CACNB2: variants seen among roughly 807,000 people sequenced by gnomAD.
CACNB2 encodes the protein voltage-dependent L-type calcium channel subunit beta-2.
A neutral mutation model predicts 73.3 loss-of-function variants in CACNB2; 42 were observed. That is an observed-to-expected ratio of 0.57 (90% confidence interval 0.45 to 0.74). CACNB2 has a LOEUF of 0.74. Among genes scored for constraint, CACNB2 ranks in the 30% least tolerant of loss-of-function variants. The probability of loss-of-function intolerance (pLI) is 0.00; values close to 1 mark genes in which losing one functional copy is unlikely to be tolerated. For missense variants in CACNB2, 940 were observed against 853.0 expected, an observed-to-expected ratio of 1.10 and a Z score of -1.27; for synonymous variants, 348 against 310.3, an observed-to-expected ratio of 1.12 and a Z score of -1.28.
chr10:18,532,347 T>A (rs970230916), intron 10 of CACNB2, among the ~76,000 whole-genome samples: 1 of 151,894 alleles, frequency 6.6e-6, no homozygotes, highest in Non-Finnish European at 1.5e-5. Flanking sequence ...ATATATGTAA[T>A]ATATTTTAAG....
intron 3 of CACNB2, among the ~76,000 whole-genome samples, chr10:18,410,926 G>A (rs1018378248): frequency 3.9e-5 from 6 of 152,254 alleles, no homozygotes; most frequent in African/African-American, 1.4e-4. Flanking sequence ...GTTGCAGTGA[G>A]CTGAGATCAC....
chr10:18,295,487 C>A (rs949257182), intron 2 of CACNB2, among the ~76,000 whole-genome samples: 1 of 152,222 alleles, frequency 6.6e-6, no homozygotes, highest in African/African-American at 2.4e-5. Flanking sequence ...TTCTCAGGAA[C>A]TGAAATCAGT....
At chr10:18,359,438 A>AT (rs1045545352) in intron 2 of CACNB2, among the ~76,000 whole-genome samples, 4 of 151,014 alleles carry the variant, frequency 2.6e-5, no homozygotes, top group Non-Finnish European at 5.9e-5. Flanking sequence ...TGCCCGGCTA[A>AT]TTTTTTTTTA....
In CACNB2 at chr10:18,235,011, C is replaced by T. The variant is rs58485152; in HGVS notation, c.213+84036C>T. ...ATAAAAAATTAGCCAGGTGTGGTGG[C>T]GGGCGCCTGTAGTCCCAGCTACTCA... On this transcript the variant is annotated intron_variant, in intron 2 of 13. Coordinates refer to ENST00000324631, the MANE Select transcript of CACNB2 (RefSeq NM_201596.3). Among the ~76,000 whole-genome samples, 1,425 of 151,956 alleles carry T rather than the reference C, an allele frequency of 9.4e-3. 18 individuals carry two copies. The highest frequency in any genetic ancestry group is 0.033 in the African/African-American group (1,362 of 41,436).
chr10:18,214,977 C>T (rs891863731), intron 2 of CACNB2, among the ~76,000 whole-genome samples: 2 of 152,096 alleles, frequency 1.3e-5, no homozygotes, highest in African/African-American at 2.4e-5. Flanking sequence ...AAGAGTAATA[C>T]GAATTATTTA....
intron 1 of CACNB2, chr10:18,141,364 T>C: frequency 1.3e-6 from 1 of 759,544 alleles, no homozygotes; most frequent in Non-Finnish European, 2.3e-6. Flanking sequence ...GGGGGTGCCC[T>C]GCCGGATCCC....
intron 2 of CACNB2, among the ~76,000 whole-genome samples, chr10:18,346,423 C>T (rs576170954): frequency 1.8e-4 from 28 of 152,260 alleles, no homozygotes; most frequent in African/African-American, 6.5e-4. Context: ...CGGGCGTGAG[C>T]CACTGCACCC....
chr10:18,231,712 G>A (rs11013100), intron 2 of CACNB2, among the ~76,000 whole-genome samples: 7,139 of 152,172 alleles, frequency 0.047, 591 homozygotes, highest in African/African-American at 0.16. Context: ...TGTGATTCAG[G>A]GGTAAAGCAT....
chr10:18,428,075 A>G (rs189761213), intron 3 of CACNB2, among the ~76,000 whole-genome samples: 10 of 151,936 alleles, frequency 6.6e-5, no homozygotes, highest in African/African-American at 2.4e-4. Flanking sequence ...AGTATTTTCT[A>G]TTTTCATTTT....
intron 2 of CACNB2, among the ~76,000 whole-genome samples, chr10:18,333,423 T>C (rs574797727): frequency 6.7e-6 from 1 of 148,798 alleles, no homozygotes; most frequent in Non-Finnish European, 1.5e-5. Context: ...AATAGCTCAG[T>C]TGGAAATTTT....
chr10:18,339,968 A>G (rs932396913), intron 2 of CACNB2, among the ~76,000 whole-genome samples: 1 of 152,150 alleles, frequency 6.6e-6, no homozygotes, highest in Non-Finnish European at 1.5e-5. Flanking sequence ...TATTTCCACC[A>G]TGATGGATGC....
chr10:18,478,635 C>T (rs1171928497), intron 3 of CACNB2, among the ~76,000 whole-genome samples: 1 of 152,190 alleles, frequency 6.6e-6, no homozygotes, highest in Admixed American at 6.5e-5. Context: ...CGGGGAGAAT[C>T]TCAGATTACT....
intron 2 of CACNB2, among the ~76,000 whole-genome samples, chr10:18,151,879 G>A (rs531993909): frequency 7.9e-5 from 12 of 152,250 alleles, no homozygotes; most frequent in Admixed American, 2.0e-4. Context: ...AAGCTGCCTC[G>A]TGTCATTTGG....
intron 2 of CACNB2, among the ~76,000 whole-genome samples, chr10:18,297,851 C>T (rs1177005671): frequency 1.3e-5 from 2 of 152,198 alleles, no homozygotes; most frequent in Admixed American, 1.3e-4. Context: ...AAGTGCTTCA[C>T]CCTGCAGCGC....
chr10:18,223,648 A>G (rs369471413), intron 2 of CACNB2, among the ~76,000 whole-genome samples: 1 of 152,122 alleles, frequency 6.6e-6, no homozygotes. Context: ...AGTATAAACT[A>G]TTATATGGTA....
intron 3 of CACNB2, among the ~76,000 whole-genome samples, chr10:18,470,845 C>T (rs1209962389): frequency 6.6e-6 from 1 of 152,070 alleles, no homozygotes. Context: ...AACCATCTGT[C>T]CTTAAAGGAA....
chr10:18,237,682 A>T, intron 2 of CACNB2, among the ~76,000 whole-genome samples: 1 of 152,222 alleles, frequency 6.6e-6, no homozygotes, highest in East Asian at 1.9e-4. Flanking sequence ...TGACGTTGGA[A>T]TGGTTCTTCA....
chr10:18,291,462 G>T (rs1451052037), intron 2 of CACNB2, among the ~76,000 whole-genome samples: 1 of 152,184 alleles, frequency 6.6e-6, no homozygotes, highest in Non-Finnish European at 1.5e-5. Context: ...GGATGTTGTG[G>T]CTATACAGAA....
At chr10:18,197,267 T>G (rs1467765614) in intron 2 of CACNB2, among the ~76,000 whole-genome samples, 1 of 152,208 alleles carries the variant, frequency 6.6e-6, no homozygotes, top group Non-Finnish European at 1.5e-5. Flanking sequence ...AATCCCTTCC[T>G]TCTCATCCTC....
Sources: gnomAD v4.1 joint callset for allele counts (sites outside exome capture counted in the v4.1 genomes callset) on GRCh38, gnomAD v4.1.1 for gene constraint, MANE v1.5 for transcripts, NCBI Gene and HGNC (gene_info 2026-07-23, HGNC 2026-07-21) for gene names.